SYTL5: variants seen among roughly 807,000 people sequenced by gnomAD.
SYTL5 encodes the protein synaptotagmin-like protein 5.
SYTL5 carries 34 observed loss-of-function variants against 55.9 expected under a neutral mutation model. The ratio of observed to expected loss-of-function variants is 0.61; its 90% confidence interval spans 0.46 to 0.81. The LOEUF is 0.81. Among genes scored for constraint, SYTL5 ranks in the 30% least tolerant of loss-of-function variants. The pLI is 0.00. For synonymous variants in SYTL5, 221 were observed against 188.7 expected (o/e 1.17, Z -1.40); for missense variants, 637 against 546.7 (o/e 1.17, Z -1.65).
chrX:37,926,111 G>A, the SYTL5 span, among the ~76,000 whole-genome samples: 3 of 111,346 alleles, frequency 2.7e-5, no homozygotes, highest in African/African-American at 6.5e-5. Flanking sequence ...ATTTTCCTCT[G>A]GGTAGATACC....
At chrX:38,119,417 A>G (rs1937544951) in intron 13 of SYTL5, among the ~76,000 whole-genome samples, 1 of 112,519 alleles carries the variant, frequency 8.9e-6, no homozygotes, top group South Asian at 3.7e-4. Context: ...AGAATGTTAC[A>G]TAAATGAAAT....
At chrX:38,036,646 C>T (rs769824563) in intron 2 of SYTL5, among the ~76,000 whole-genome samples, 14 of 112,114 alleles carry the variant, frequency 1.2e-4, no homozygotes, top group Non-Finnish European at 2.6e-4. Flanking sequence ...CAGGCTTCAC[C>T]ACTCTTAACA....
intron 2 of SYTL5, among the ~76,000 whole-genome samples, chrX:38,045,528 C>T (rs1294372649): frequency 5.4e-5 from 6 of 111,365 alleles, no homozygotes; most frequent in Middle Eastern, 9.2e-3. Flanking sequence ...TGAGATTTTC[C>T]GGTATATTCC....
chrX:38,125,495 A>C lies in SYTL5; in HGVS notation c.2039A>C (p.Asn680Thr), dbSNP rs1937624031. ...ATCTTTCTGGGAGGAGTTCGTTTGA[A>C]TTCTGGAAGTGGTGAGGGATTTGGG... ...SNIFLGGVRLNSGSGVSHGKN... is the reference protein window; with the variant it reads ...SNIFLGGVRLTSGSGVSHGKN... The change falls in exon 16 of 17, where the codon AAT (asparagine) becomes ACT (threonine). Residue 680 changes from asparagine (N) to threonine (T), a missense_variant. Transcript: ENST00000297875. 1 of 1,208,510 alleles carries C rather than the reference A, an allele frequency of 8.3e-7. No individual in the cohort carries two copies. The highest frequency in any genetic ancestry group is 2.2e-5 in the Admixed American group (1 of 45,716).
intron 3 of SYTL5, among the ~76,000 whole-genome samples, chrX:38,057,252 A>G (rs994353658): frequency 9.0e-6 from 1 of 111,585 alleles, no homozygotes; most frequent in African/African-American, 3.2e-5. Context: ...CCTTTCCCCA[A>G]TGTATGATTC....
At chrX:37,894,925 G>C in the SYTL5 span, among the ~76,000 whole-genome samples, 1 of 111,252 alleles carries the variant, frequency 9.0e-6, no homozygotes, top group Non-Finnish European at 1.9e-5. Context: ...CTTGTTTTCA[G>C]TCCTTTGGAT....
intron 3 of SYTL5, among the ~76,000 whole-genome samples, chrX:38,065,134 C>G (rs1936062957): frequency 9.0e-6 from 1 of 111,514 alleles, no homozygotes; most frequent in African/African-American, 3.3e-5. Context: ...CTAAAAGAAA[C>G]TTGGTATTCT....
the SYTL5 span, chrX:37,991,344 C>T: frequency 1.9e-3 from 1,855 of 983,209 alleles, 2 homozygotes; most frequent in Non-Finnish European, 2.4e-3. Flanking sequence ...CAGTTTCTGT[C>T]GCTTTGGGTT....
At chrX:38,105,365 G>T (rs1303363501) in intron 10 of SYTL5, among the ~76,000 whole-genome samples, 2 of 112,909 alleles carry the variant, frequency 1.8e-5, no homozygotes, top group Non-Finnish European at 3.7e-5. Flanking sequence ...GCGCAGTTTT[G>T]TTTTATACAT....
At chrX:38,023,276 A>T (rs1454412654) in intron 1 of SYTL5, among the ~76,000 whole-genome samples, 1 of 111,959 alleles carries the variant, frequency 8.9e-6, no homozygotes, top group Non-Finnish European at 1.9e-5. Flanking sequence ...TCTTAACATT[A>T]TTTTTAGCCT....
the SYTL5 span, among the ~76,000 whole-genome samples, chrX:37,981,055 A>G: frequency 0.023 from 2,562 of 112,353 alleles, 37 homozygotes; most frequent in Non-Finnish European, 0.038. Flanking sequence ...TATTCCCCGG[A>G]GGAGAAGCAG....
the SYTL5 span, among the ~76,000 whole-genome samples, chrX:37,940,604 GTA>G: frequency 0.019 from 1,760 of 94,792 alleles, 43 homozygotes; most frequent in African/African-American, 0.06. Flanking sequence ...AGGTGTGTAT[GTA>G]TATATATATA....
At chrX:38,092,099 G>C (rs1936813536) in intron 7 of SYTL5, among the ~76,000 whole-genome samples, 1 of 112,253 alleles carries the variant, frequency 8.9e-6, no homozygotes, top group Non-Finnish European at 1.9e-5. Flanking sequence ...TATAGCATTA[G>C]ATGGCAAGTA....
chrX:38,047,522 C>A (rs1386416553), intron 2 of SYTL5, among the ~76,000 whole-genome samples: 1 of 112,669 alleles, frequency 8.9e-6, no homozygotes, highest in Admixed American at 9.3e-5. Flanking sequence ...GACCCTGGGC[C>A]CTGCCCATGA....
chrX:38,098,684 A>G (rs1053018657), intron 9 of SYTL5, among the ~76,000 whole-genome samples: 3 of 111,015 alleles, frequency 2.7e-5, no homozygotes, highest in African/African-American at 6.5e-5. Flanking sequence ...TGACATAGCA[A>G]TTTTGATCCT....
the SYTL5 span, among the ~76,000 whole-genome samples, chrX:37,926,458 C>G: frequency 9.1e-6 from 1 of 110,463 alleles, no homozygotes; most frequent in African/African-American, 3.3e-5. Flanking sequence ...CTGCTGTGTT[C>G]CTGGAGCCTA....
rs1450809640 is a variant in SYTL5 at position 38,034,024 on chromosome X, T to C, written c.119+16T>C. The C allele has an allele frequency of 2.0e-6, 2 of 1,002,517 alleles. No individual in the cohort carries two copies. The highest frequency in any genetic ancestry group is 4.9e-5 in the Admixed American group (2 of 41,087). The allele number at this position is 1,002,517 out of a possible 1,213,427, so 82.6% of individuals were successfully genotyped here. On this transcript the variant is annotated intron_variant, in intron 2 of 16. Transcript: ENST00000297875. ...AGAGAATAAGGTAGTATTCTTTTTATTTTTTCAGTCCTCCTTGACTGCTTT... is the reference window on the plus strand; with the variant it reads ...AGAGAATAAGGTAGTATTCTTTTTACTTTTTCAGTCCTCCTTGACTGCTTT...
At chrX:37,920,683 C>T in the SYTL5 span, among the ~76,000 whole-genome samples, 3 of 110,829 alleles carry the variant, frequency 2.7e-5, no homozygotes, top group Non-Finnish European at 5.7e-5. Flanking sequence ...AGCATCTAGG[C>T]TAGCCCTTCT....
the SYTL5 span, among the ~76,000 whole-genome samples, chrX:37,971,221 C>CTT: frequency 1.9e-4 from 20 of 105,874 alleles, no homozygotes; most frequent in Non-Finnish European, 3.1e-4. Flanking sequence ...TAAAGACCTT[C>CTT]TTTTTTTTTT....
Sources: gnomAD v4.1 joint callset for allele counts (sites outside exome capture counted in the v4.1 genomes callset) on GRCh38, gnomAD v4.1.1 for gene constraint, MANE v1.5 for transcripts, NCBI Gene and HGNC (gene_info 2026-07-23, HGNC 2026-07-21) for gene names.